The following SLC44A3 variants were observed in gnomAD, a reference collection of about 807,000 sequenced individuals.
SLC44A3 encodes the protein choline transporter-like protein 3.
Under a neutral mutation model 75.4 loss-of-function variants are expected in SLC44A3, and 74 were observed. The ratio of observed to expected loss-of-function variants is 0.98; its 90% CI spans 0.81 to 1.19. The LOEUF (loss-of-function observed/expected upper bound fraction) is 1.19. SLC44A3 is among the 50% of genes most tolerant of loss of function. SLC44A3 has a pLI of 0.00. For missense variants in SLC44A3, 700 were observed against 778.6 expected, an observed-to-expected ratio of 0.90 and a Z score of 1.20; for synonymous variants, 310 against 296.9, an observed-to-expected ratio of 1.04 and a Z score of -0.45.
intron 12 of SLC44A3, chr1:94,888,531 A>G (rs1669847631): frequency 3.7e-6 from 1 of 268,838 alleles, no homozygotes; most frequent in Non-Finnish European, 5.7e-6. Flanking sequence ...CACAAGACTC[A>G]GGCCCCCAAA....
chr1:94,834,620 G>A (rs916943266), intron 5 of SLC44A3, among the ~76,000 whole-genome samples: 5 of 151,964 alleles, frequency 3.3e-5, no homozygotes, highest in African/African-American at 1.2e-4. Flanking sequence ...GAGTAGCTGG[G>A]ATTACAGGCA....
intron 12 of SLC44A3, among the ~76,000 whole-genome samples, chr1:94,869,521 A>G (rs1667532856): frequency 6.6e-6 from 1 of 152,200 alleles, no homozygotes; most frequent in African/African-American, 2.4e-5. Context: ...TTGCCAGCTG[A>G]TATGGGTGAT....
At chr1:94,868,314 T>A (rs991468543) in intron 12 of SLC44A3, among the ~76,000 whole-genome samples, 82 of 152,212 alleles carry the variant, frequency 5.4e-4, no homozygotes, top group African/African-American at 1.9e-3. Flanking sequence ...CCCAAAGAAA[T>A]GTACCTTTAG....
At chr1:94,881,169 G>T (rs1159661263) in intron 12 of SLC44A3, among the ~76,000 whole-genome samples, 2 of 152,188 alleles carry the variant, frequency 1.3e-5, no homozygotes, top group South Asian at 2.1e-4. Context: ...GCCAGTGACT[G>T]GATTTCTGGC....
At position 94,839,381 on chromosome 1, in the gene SLC44A3, TTTTC is replaced by T. The variant is rs1424838184; in HGVS notation, c.671-555_671-552del. 2.6e-5 allele frequency among the ~76,000 whole-genome samples: 4 copies of T among 152,048 alleles called. No individual in the cohort carries two copies. In the South Asian group the frequency reaches 6.2e-4, roughly 24 times the overall value. On this transcript the variant is annotated intron_variant, in intron 6 of 14. Coordinates refer to ENST00000271227, the MANE Select transcript of SLC44A3 (RefSeq NM_001114106.3). The stretch of plus-strand genomic sequence containing the variant: ...GAGAATAATATTGCTATAAAATTTT[TTTTC>T]TTTCTTTCTTTTTTTTTATTGAGAC...
chr1:94,880,019 A>G (rs978150707), intron 12 of SLC44A3, among the ~76,000 whole-genome samples: 6 of 152,186 alleles, frequency 3.9e-5, no homozygotes, highest in Non-Finnish European at 8.8e-5. Context: ...AGAACAGAAA[A>G]TAAGTGTTGG....
intron 9 of SLC44A3, chr1:94,855,541 C>G (rs11165265): frequency 0.21 from 31,265 of 152,144 alleles, 3,464 homozygotes; most frequent in Middle Eastern, 0.29. Flanking sequence ...TCTTAGAAAA[C>G]CATAGGCATT....
In SLC44A3 at chr1:94,827,597, G is replaced by A; in HGVS notation, c.369G>A (p.Glu123=). 6.2e-7 allele frequency: 1 copy of A among 1,614,182 alleles called. No individual in the cohort carries two copies. Among genetic ancestry groups the A allele is most frequent in the South Asian group, 1.1e-5 (1 of 91,080 alleles). ...TCTGTGTATCCAACTGCCCTGAAGA[G>A]CAGCTTGACTCCCTGGAAGAGGTCC... ...MALCVSNCPE[E]QLDSLEEVQF... Residue 123 remains glutamate (E), a synonymous_variant, in exon 4 of 15, where the codon GAG becomes GAA. Transcript: ENST00000271227.
In SLC44A3 at chr1:94,873,506, A is replaced by C. The variant is rs552428506; in HGVS notation, c.1482+6089A>C. 1.6e-3 allele frequency among the ~76,000 whole-genome samples: 240 copies of C among 152,176 alleles called. 1 individual carries two copies. The highest frequency in any genetic ancestry group is 5.4e-3 in the African/African-American group (225 of 41,500). On this transcript the variant is annotated intron_variant, in intron 12 of 14. Transcript: ENST00000271227. ...TACACCTCTCTCCCCTTCTTACCTC[A>C]TAGTGCCTCTCCCCAACCTGCTCTG... is the stretch of plus-strand genomic sequence containing the variant.
intron 6 of SLC44A3, among the ~76,000 whole-genome samples, chr1:94,838,384 G>A (rs953028014): frequency 6.6e-6 from 1 of 152,204 alleles, no homozygotes; most frequent in Non-Finnish European, 1.5e-5. Flanking sequence ...ACAGGTCAAG[G>A]CCTTCAGCCT....
At chr1:94,823,848 T>C (rs1337104327) in intron 2 of SLC44A3, among the ~76,000 whole-genome samples, 1 of 152,210 alleles carries the variant, frequency 6.6e-6, no homozygotes, top group Non-Finnish European at 1.5e-5. Context: ...TATGTATTAA[T>C]GGCACAGTTG....
intron 10 of SLC44A3, among the ~76,000 whole-genome samples, chr1:94,861,302 G>A (rs1666539661): frequency 6.6e-6 from 1 of 152,130 alleles, no homozygotes; most frequent in Non-Finnish European, 1.5e-5. Context: ...ATCTTTCATA[G>A]TAGAAAAGTC....
chr1:94,847,504 C>T (rs141920268), intron 9 of SLC44A3, among the ~76,000 whole-genome samples: 32 of 152,240 alleles, frequency 2.1e-4, no homozygotes, highest in African/African-American at 7.2e-4. Context: ...TGGGCAGGCA[C>T]GCACCAATCA....
intron 9 of SLC44A3, among the ~76,000 whole-genome samples, chr1:94,848,193 C>T (rs1664700613): frequency 6.7e-6 from 1 of 149,724 alleles, no homozygotes; most frequent in Admixed American, 6.7e-5. Context: ...CACACCACTG[C>T]ACTCCAGCAT....
intron 7 of SLC44A3, among the ~76,000 whole-genome samples, chr1:94,840,987 A>T (rs1663550296): frequency 6.6e-6 from 1 of 152,170 alleles, no homozygotes; most frequent in Non-Finnish European, 1.5e-5. Flanking sequence ...ACAGGAAGGG[A>T]TGTGTTCTGA....
At chr1:94,844,026 G>C (rs1294484691) in intron 8 of SLC44A3, among the ~76,000 whole-genome samples, 1 of 152,216 alleles carries the variant, frequency 6.6e-6, no homozygotes, top group Non-Finnish European at 1.5e-5. Flanking sequence ...CTGAACCAGA[G>C]GTGATTGAGA....
chr1:94,861,361 T>A (rs1485381211), intron 10 of SLC44A3, among the ~76,000 whole-genome samples: 1 of 152,108 alleles, frequency 6.6e-6, no homozygotes, highest in Non-Finnish European at 1.5e-5. Context: ...AGTAAGAACA[T>A]GTAATTTTGA....
At chr1:94,867,190 A>G (rs966327898) in intron 11 of SLC44A3, 141 bp from the exon 12 acceptor site, 6 of 540,564 alleles carry the variant, frequency 1.1e-5, no homozygotes, top group African/African-American at 9.7e-5. Flanking sequence ...TAGTAGTAGT[A>G]TGCACACAAT....
chr1:94,867,114 C>T (rs1309144336), intron 11 of SLC44A3, among the ~76,000 whole-genome samples: 1 of 152,076 alleles, frequency 6.6e-6, no homozygotes, highest in East Asian at 1.9e-4. Context: ...TCCCTAATAG[C>T]ACCCCTAACA....
Sources: gnomAD v4.1 joint callset for allele counts (sites outside exome capture counted in the v4.1 genomes callset) on GRCh38, gnomAD v4.1.1 for gene constraint, MANE v1.5 for transcripts, NCBI Gene and HGNC (gene_info 2026-07-23, HGNC 2026-07-21) for gene names.